LMOD1: variants seen among roughly 807,000 people sequenced by gnomAD.
LMOD1 encodes the protein leiomodin-1.
In LMOD1, 8 loss-of-function variants were observed where a neutral mutation model predicts 36.5. That is an observed-to-expected ratio of 0.22 (90% CI 0.13 to 0.40). LMOD1 has a LOEUF of 0.40. LMOD1 is among the 10% of genes least tolerant of loss of function. The probability of loss-of-function intolerance (pLI) is 1.00; values close to 1 mark genes in which losing one functional copy is unlikely to be tolerated. For missense variants in LMOD1, 630 were observed against 751.1 expected (o/e 0.84, Z 1.88); for synonymous variants, 284 against 288.7 (o/e 0.98, Z 0.17).
chr1:201,904,899 T>C (rs1362074972), intron 1 of LMOD1, among the ~76,000 whole-genome samples: 1 of 152,164 alleles, frequency 6.6e-6, no homozygotes. Context: ...CAGAGCTGCT[T>C]CCTTCGTGCT....
intron 1 of LMOD1, among the ~76,000 whole-genome samples, chr1:201,943,362 C>T (rs964842840): frequency 5.3e-5 from 8 of 152,218 alleles, no homozygotes; most frequent in Admixed American, 4.6e-4. Context: ...TGAATGTGCT[C>T]GGCATGTAGA....
chr1:201,918,913 G>C (rs1681652432), intron 1 of LMOD1, among the ~76,000 whole-genome samples: 1 of 152,022 alleles, frequency 6.6e-6, no homozygotes, highest in Non-Finnish European at 1.5e-5. Context: ...CTTTTTTAGG[G>C]ACAGGGTCTC....
At chr1:201,918,424 T>C (rs1261534486) in intron 1 of LMOD1, among the ~76,000 whole-genome samples, 1 of 152,200 alleles carries the variant, frequency 6.6e-6, no homozygotes, top group Non-Finnish European at 1.5e-5. Context: ...GCTTTCAGGA[T>C]GAAGTGCAGA....
At chr1:201,921,138 T>C (rs931528166) in intron 1 of LMOD1, among the ~76,000 whole-genome samples, 8 of 151,968 alleles carry the variant, frequency 5.3e-5, no homozygotes, top group Non-Finnish European at 7.4e-5. Context: ...AGGGTGGCAC[T>C]TGAGATGATC....
At chr1:201,903,852 G>A (rs1681369117) in intron 1 of LMOD1, among the ~76,000 whole-genome samples, 1 of 152,214 alleles carries the variant, frequency 6.6e-6, no homozygotes, top group Admixed American at 6.5e-5. Flanking sequence ...TCCCTTTCCA[G>A]AGTTCCCACG....
chr1:201,919,353 C>T (rs2102919114), intron 1 of LMOD1, among the ~76,000 whole-genome samples: 1 of 152,012 alleles, frequency 6.6e-6, no homozygotes, highest in East Asian at 1.9e-4. Flanking sequence ...TACAGGTGCC[C>T]ACCACCATGC....
At chr1:201,939,135 A>G (rs1446206551) in intron 1 of LMOD1, among the ~76,000 whole-genome samples, 1 of 137,964 alleles carries the variant, frequency 7.2e-6, no homozygotes, top group African/African-American at 2.6e-5. Flanking sequence ...ACACTCACTG[A>G]TGGTTTTTTT....
In LMOD1 at chr1:201,900,622, T is replaced by G; in HGVS notation, c.391A>C (p.Lys131Gln). ...LGKEPKRGGL[K>Q]KSFSRDRDEA... Reference sequence around the variant, plus strand: ...TCTCTGTCTCTAGAGAAGCTTTTCTTTAAACCACCCCTCTTTGGCTCCTTC... The same window carrying G: ...TCTCTGTCTCTAGAGAAGCTTTTCTGTAAACCACCCCTCTTTGGCTCCTTC... The change falls in exon 2 of 3, where the codon AAG becomes CAG. Residue 131 changes from lysine (K) to glutamine (Q), a missense_variant. By Grantham distance (53) the Lys-to-Gln change is moderately conservative (BLOSUM62 1). Around this residue, in one of 3 missense-constraint regions of LMOD1, gnomAD observed 405 missense variants for 400.6 expected, o/e 1.01. Transcript: ENST00000367288. 1 of 1,613,924 alleles carries G rather than the reference T, an allele frequency of 6.2e-7. No individual in the cohort carries two copies. Among genetic ancestry groups the G allele is most frequent in the South Asian group, 1.1e-5 (1 of 91,070 alleles).
intron 1 of LMOD1, among the ~76,000 whole-genome samples, chr1:201,945,217 A>C (rs890429307): frequency 2.0e-5 from 3 of 152,178 alleles, no homozygotes; most frequent in African/African-American, 2.4e-5. Context: ...GTGACAAAAA[A>C]AAAATTCCTC....
intron 1 of LMOD1, among the ~76,000 whole-genome samples, chr1:201,909,925 G>A (rs60994473): frequency 0.017 from 2,619 of 152,234 alleles, 90 homozygotes; most frequent in African/African-American, 0.06. Context: ...TTGCATTAGT[G>A]GGGCTATGTA....
At chr1:201,933,515 TTCTCTCTC>T (rs147223046) in intron 1 of LMOD1, among the ~76,000 whole-genome samples, 25 of 143,304 alleles carry the variant, frequency 1.7e-4, no homozygotes, top group Admixed American at 7.3e-4. Context: ...CCATGAGCCT[TTCTCTCTC>T]TCTCTCTCTA....
intron 1 of LMOD1, among the ~76,000 whole-genome samples, chr1:201,903,482 C>A (rs1681362977): frequency 6.6e-6 from 1 of 152,198 alleles, no homozygotes; most frequent in Non-Finnish European, 1.5e-5. Flanking sequence ...GGGTTTGACC[C>A]TGGAGCAGAA....
At chr1:201,920,214 C>A (rs981319553) in intron 1 of LMOD1, among the ~76,000 whole-genome samples, 2 of 151,936 alleles carry the variant, frequency 1.3e-5, no homozygotes, top group African/African-American at 4.8e-5. Flanking sequence ...CACCCACCAC[C>A]ACGCCTGGTT....
chr1:201,924,695 A>G lies in LMOD1; in HGVS notation c.261+21385T>C, dbSNP rs1368668980. Among the ~76,000 whole-genome samples the G allele has an allele frequency of 2.2e-3, 275 of 127,892 alleles. 2 individuals are homozygous for G. Among genetic ancestry groups the G allele is most frequent in the South Asian group, 6.3e-3 (22 of 3,516 alleles). 83.9% of individuals were successfully genotyped at this position (127,892 alleles called of 152,430 possible). A position where few individuals can be genotyped will look rare whatever the true frequency, so the allele number is the denominator to read the frequency against. On this transcript the variant is annotated intron_variant, in intron 1 of 2. Coordinates refer to ENST00000367288, the MANE Select transcript of LMOD1 (RefSeq NM_012134.3). ...AAAGAAAGAAAGAAAGAAAGAAAGA[A>G]AGAAAGAAAGAAAGAAAGAAAGAAA...
intron 1 of LMOD1, among the ~76,000 whole-genome samples, chr1:201,924,853 C>G (rs572489796): frequency 6.6e-6 from 1 of 152,162 alleles, no homozygotes; most frequent in East Asian, 1.9e-4. Flanking sequence ...CCATTGCACT[C>G]TAGTGTGTGT....
intron 1 of LMOD1, among the ~76,000 whole-genome samples, chr1:201,924,379 G>GGGAA (rs1295447157): frequency 3.0e-4 from 28 of 94,474 alleles, no homozygotes; most frequent in African/African-American, 1.0e-3. Context: ...GAGGGAGGGA[G>GGGAA]GGAAGGAAGG....
In LMOD1 at chr1:201,913,076, A is replaced by G. The variant is rs891862983; in HGVS notation, c.262-12325T>C. 2.0e-4 allele frequency among the ~76,000 whole-genome samples: 31 copies of G among 152,080 alleles called. 1 individual carries two copies. Among genetic ancestry groups the G allele is most frequent in the African/African-American group, 7.2e-4 (30 of 41,420 alleles). On this transcript the variant is annotated intron_variant, in intron 1 of 2. Coordinates refer to ENST00000367288, the MANE Select transcript of LMOD1 (RefSeq NM_012134.3). The stretch of plus-strand genomic sequence containing the variant: ...CGTTCCCTAAAGGAATGTAGTAAAC[A>G]AGGAGAAGCCCAGCCTCACTGGGCC...
chr1:201,934,383 C>T (rs994291438), intron 1 of LMOD1, among the ~76,000 whole-genome samples: 2 of 152,176 alleles, frequency 1.3e-5, no homozygotes, highest in Non-Finnish European at 2.9e-5. Context: ...CTGGCTGTAT[C>T]TTGGCCCATC....
Position 201,900,503 on chromosome 1 carries a change from C to T in LMOD1, c.510G>A (p.Lys170=), listed in dbSNP as rs1681281749. The T allele has an allele frequency of 1.9e-6, 3 of 1,613,704 alleles. No individual in the cohort carries two copies. Among genetic ancestry groups the T allele is most frequent in the African/African-American group, 1.3e-5 (1 of 74,860 alleles). Residue 170 remains lysine, a synonymous_variant, in exon 2 of 3, where the codon AAG becomes AAA. Transcript: ENST00000367288. ...CTCCTCTCCCATCCTTCCCTGCCTC[C>T]TTCTTATCCACTGCAGCCCTGACCC... is the stretch of plus-strand genomic sequence containing the variant. ...KGRVRAAVDK[K]EAGKDGRGEE... is the part of the protein sequence containing the mutation.
Sources: gnomAD v4.1 joint callset for allele counts (sites outside exome capture counted in the v4.1 genomes callset) on GRCh38, gnomAD v4.1.1 for gene constraint, gnomAD v4.1.1 regional missense constraint, MANE v1.5 for transcripts, NCBI Gene and HGNC (gene_info 2026-07-23, HGNC 2026-07-21) for gene names.